KIAA1549L: variants seen among roughly 807,000 people sequenced by gnomAD.
KIAA1549L encodes UPF0606 protein KIAA1549L.
Under a neutral mutation model 160.7 loss-of-function variants are expected in KIAA1549L, and 88 were observed. The observed-to-expected ratio is 0.55, with a 90% confidence interval of 0.46 to 0.65. The LOEUF is 0.65. Ranked by LOEUF, KIAA1549L falls within the 30% of genes least tolerant of loss-of-function variation. KIAA1549L has a pLI of 0.00. For missense variants in KIAA1549L, 2,258 were observed against 2,437.5 expected (o/e 0.93, Z 1.55); for synonymous variants, 950 against 976.7 (o/e 0.97, Z 0.51).
intron 1 of KIAA1549L, among the ~76,000 whole-genome samples, chr11:33,512,626 T>C (rs1455492815): frequency 6.6e-6 from 1 of 152,176 alleles, no homozygotes; most frequent in Non-Finnish European, 1.5e-5. Context: ...TTTTCCATGT[T>C]GCCAGGCTGG....
chr11:33,544,402 G>A, intron 2 of KIAA1549L, 66 bp downstream of exon 2: 1 of 1,516,100 alleles, frequency 6.6e-7, no homozygotes, highest in Non-Finnish European at 9.0e-7. Flanking sequence ...TGCTTTTGTG[G>A]TCAAAGCATC....
At chr11:33,563,796 G>T (rs916158372) in intron 8 of KIAA1549L, among the ~76,000 whole-genome samples, 1 of 152,130 alleles carries the variant, frequency 6.6e-6, no homozygotes, top group South Asian at 2.1e-4. Context: ...ACAAGGAATG[G>T]TGTTTTTTTT....
intron 1 of KIAA1549L, among the ~76,000 whole-genome samples, chr11:33,388,653 T>C (rs552928966): frequency 6.6e-6 from 1 of 152,316 alleles, no homozygotes; most frequent in African/African-American, 2.4e-5. Context: ...CTAACTAAAT[T>C]GTGTCATGAG....
chr11:33,553,062 A>C (rs1245229950), intron 6 of KIAA1549L, among the ~76,000 whole-genome samples: 1 of 152,204 alleles, frequency 6.6e-6, no homozygotes, highest in Non-Finnish European at 1.5e-5. Flanking sequence ...TTAAGAGTTA[A>C]AGGGTGATGG....
chr11:33,534,177 G>A (rs1853840231), intron 1 of KIAA1549L, among the ~76,000 whole-genome samples: 1 of 151,968 alleles, frequency 6.6e-6, no homozygotes, highest in Non-Finnish European at 1.5e-5. Context: ...CTGCCTCCCA[G>A]GTTCAAGTTA....
At chr11:33,502,015 A>G (rs150508025) in intron 1 of KIAA1549L, among the ~76,000 whole-genome samples, 6 of 152,146 alleles carry the variant, frequency 3.9e-5, no homozygotes, top group African/African-American at 1.4e-4. Flanking sequence ...GAGGGAAGCA[A>G]ATTCTCCAAG....
intron 1 of KIAA1549L, among the ~76,000 whole-genome samples, chr11:33,431,797 C>T (rs1390973214): frequency 2.6e-5 from 4 of 152,178 alleles, no homozygotes; most frequent in Non-Finnish European, 2.9e-5. Flanking sequence ...GAGCAGGGGG[C>T]GGTGCTCATC....
chr11:33,505,387 G>A (rs1210477075), intron 1 of KIAA1549L, among the ~76,000 whole-genome samples: 1 of 152,184 alleles, frequency 6.6e-6, no homozygotes, highest in East Asian at 1.9e-4. Flanking sequence ...TAAGCTCCTT[G>A]TTTCTCATCT....
intron 1 of KIAA1549L, among the ~76,000 whole-genome samples, chr11:33,505,140 A>C (rs1853050116): frequency 6.6e-6 from 1 of 152,208 alleles, no homozygotes; most frequent in Admixed American, 6.5e-5. Context: ...TAAGGTTCTA[A>C]CAATAGCACT....
chr11:33,672,910 A>G lies in KIAA1549L; in HGVS notation c.*4756A>G, dbSNP rs904102868. ...GGCTCACGGCCACACACTTGCATGG[A>G]TAAGAAAACCAATGAGCCCCTCAAC... On this transcript the variant is annotated 3_prime_UTR_variant, in exon 21 of 21. Transcript: ENST00000658780. 3 of 153,816 alleles carry G rather than the reference A, an allele frequency of 2.0e-5. No individual in the cohort carries two copies. The highest frequency in any genetic ancestry group is 2.9e-5 in the Non-Finnish European group (2 of 68,050). 9.5% of individuals were successfully genotyped at this position (153,816 alleles called of 1,614,324 possible). A position where few individuals can be genotyped will look rare whatever the true frequency, so the allele number is the denominator to read the frequency against.
chr11:33,425,279 A>T (rs1851093475), intron 1 of KIAA1549L, among the ~76,000 whole-genome samples: 1 of 152,122 alleles, frequency 6.6e-6, no homozygotes, highest in Non-Finnish European at 1.5e-5. Flanking sequence ...GTCCTATTTT[A>T]AAATTTTGTC....
At chr11:33,412,109 G>A (rs1033577330) in intron 1 of KIAA1549L, among the ~76,000 whole-genome samples, 1 of 152,202 alleles carries the variant, frequency 6.6e-6, no homozygotes, top group Admixed American at 6.5e-5. Context: ...AAAGGTCAGA[G>A]TAGGAAGCAT....
chr11:33,470,609 GT>G lies in KIAA1549L; in HGVS notation c.239-71190del. On this transcript the variant is annotated intron_variant, in intron 1 of 20. Transcript: ENST00000658780. ...TCACGCAGCTAATATTTTTGTGTGT[GT>G]TTGTTTTTTGGTAGAGATGGGGGTT... Among the ~76,000 whole-genome samples the G allele has an allele frequency of 4.6e-5, 7 of 151,986 alleles. 1 individual carries two copies. Among genetic ancestry groups the G allele is most frequent in the Admixed American group, 4.6e-4 (7 of 15,254 alleles).
At chr11:33,573,623 A>G (rs1855346469) in intron 9 of KIAA1549L, among the ~76,000 whole-genome samples, 1 of 152,182 alleles carries the variant, frequency 6.6e-6, no homozygotes, top group Non-Finnish European at 1.5e-5. Flanking sequence ...TGTTGCTATA[A>G]ACATTTTTGT....
At chr11:33,449,622 C>A (rs190119634) in intron 1 of KIAA1549L, among the ~76,000 whole-genome samples, 2 of 152,314 alleles carry the variant, frequency 1.3e-5, no homozygotes, top group East Asian at 3.9e-4. Flanking sequence ...GCCAATGAGT[C>A]TGACAATGTG....
At chr11:33,610,658 G>T (rs1018504514) in intron 15 of KIAA1549L, among the ~76,000 whole-genome samples, 1 of 152,224 alleles carries the variant, frequency 6.6e-6, no homozygotes, top group African/African-American at 2.4e-5. Flanking sequence ...TGTGGTAGGT[G>T]TTTGAAGTAT....
chr11:33,392,071 G>C (rs1282362804), intron 1 of KIAA1549L, among the ~76,000 whole-genome samples: 1 of 152,176 alleles, frequency 6.6e-6, no homozygotes, highest in African/African-American at 2.4e-5. Context: ...TTGCTTGGAG[G>C]AAGTTGAGAT....
chr11:33,441,327 A>G (rs1442541210), intron 1 of KIAA1549L, among the ~76,000 whole-genome samples: 2 of 151,756 alleles, frequency 1.3e-5, no homozygotes, highest in African/African-American at 4.8e-5. Context: ...TCATTGTTGG[A>G]CATTTGGGTT....
At chr11:33,557,923 A>G (rs1017877291) in intron 6 of KIAA1549L, among the ~76,000 whole-genome samples, 2 of 151,636 alleles carry the variant, frequency 1.3e-5, no homozygotes, top group Admixed American at 6.6e-5. Flanking sequence ...AAGGCGGGGG[A>G]GAGAGAGAGA....
Sources: gnomAD v4.1 joint callset for allele counts (sites outside exome capture counted in the v4.1 genomes callset) on GRCh38, gnomAD v4.1.1 for gene constraint, MANE v1.5 for transcripts, NCBI Gene and HGNC (gene_info 2026-07-23, HGNC 2026-07-21) for gene names.